LRP4: variants seen among roughly 807,000 people sequenced by gnomAD.
LRP4 encodes the protein LDL receptor related protein 4.
Under a neutral mutation model 220.3 loss-of-function variants are expected in LRP4, and 95 were observed. The ratio of observed to expected loss-of-function variants is 0.43; its 90% CI spans 0.37 to 0.51. The LOEUF (loss-of-function observed/expected upper bound fraction) is 0.51. Ranked by LOEUF, LRP4 falls within the 20% of genes least tolerant of loss-of-function variation. The probability of loss-of-function intolerance (pLI) is 0.00; values close to 1 mark genes in which losing one functional copy is unlikely to be tolerated. For synonymous variants in LRP4, 903 were observed against 954.6 expected, an observed-to-expected ratio of 0.95 and a Z score of 1.00; for missense variants, 1,925 against 2,567.0, an observed-to-expected ratio of 0.75 and a Z score of 5.40.
Position 46,873,128 on chromosome 11 carries a change from C to T in LRP4, c.4555G>A (p.Gly1519Ser). The T allele has an allele frequency of 6.2e-7, 1 of 1,614,180 alleles. No homozygotes were observed. Among genetic ancestry groups the T allele is most frequent in the Admixed American group, 1.7e-5 (1 of 60,028 alleles). Residue 1519 changes from glycine to serine, a missense_variant, in exon 30 of 38, where the codon GGC becomes AGC. Gly to Ser is a moderately conservative substitution (Grantham distance 56, BLOSUM62 0). Around this residue, in one of 3 missense-constraint regions of LRP4, gnomAD observed 1,244 missense variants for 1,624.9 expected, o/e 0.77. Coordinates refer to ENST00000378623, the MANE Select transcript of LRP4 (RefSeq NM_002334.4). This position sits in a 1 kb window ranked among gnomAD's most constrained non-coding sequence, Gnocchi z 4.2. ...LINTDLGWPNGLTLDYDTRRI... is the reference protein window; with the variant it reads ...LINTDLGWPNSLTLDYDTRRI... ...CGGGTATCATAGTCCAGGGTAAGGC[C>T]ATTGGGCCAACCCAGGTCTGTGTTG...
chr11:46,913,243 T>G (rs1941894847), intron 1 of LRP4, among the ~76,000 whole-genome samples: 1 of 152,170 alleles, frequency 6.6e-6, no homozygotes, highest in African/African-American at 2.4e-5. Flanking sequence ...CAAGGGCACC[T>G]AGGATGTTTG....
At chr11:46,870,555 C>G (rs1940834287) in intron 31 of LRP4, among the ~76,000 whole-genome samples, 1 of 152,140 alleles carries the variant, frequency 6.6e-6, no homozygotes. Context: ...TCCTGAGTAG[C>G]TGAGACTACA....
intron 1 of LRP4, among the ~76,000 whole-genome samples, chr11:46,912,684 G>C (rs553110938): frequency 6.6e-6 from 1 of 152,180 alleles, no homozygotes; most frequent in African/African-American, 2.4e-5. Flanking sequence ...TGGAGCTGCC[G>C]AGCTTGGAGA....
chr11:46,896,969 C>T lies in LRP4; in HGVS notation c.822G>A (p.Gln274=). 1.2e-6 allele frequency: 2 copies of T among 1,614,236 alleles called. No homozygotes were observed. Among genetic ancestry groups the T allele is most frequent in the Non-Finnish European group, 1.7e-6 (2 of 1,180,026 alleles). Residue 274 remains glutamine (Q), a synonymous_variant, in exon 8 of 38, where the codon CAG becomes CAA. Transcript: ENST00000378623. ...CACAGCGGCCTGAGTGACAGCGGAA[C>T]TGTTCTGCCGTACACATGGAGGTGG... ...NCTTSMCTAE[Q]FRCHSGRCVR... is the part of the protein sequence containing the mutation.
Position 46,883,872 on chromosome 11 carries a change from C to G in LRP4, c.2611G>C (p.Gly871Arg). ...CATTCCCAAGGGGCAGCCACTCACC[C>G]GCCCATGGGTTCCACCACGATGTCC... ...PRDIVVEPMGGYMYWTDWGAS... is the reference protein window; with the variant it reads ...PRDIVVEPMGRYMYWTDWGAS... The change falls in exon 19 of 38, where the codon GGG (glycine) becomes CGG (arginine). Residue 871 changes from glycine to arginine, a missense_variant and splice_region_variant. This residue lies in a region of LRP4 where 1,244 missense variants were observed against 1,624.9 expected (regional missense o/e 0.77). Transcript: ENST00000378623. The G allele has an allele frequency of 6.2e-7, 1 of 1,612,530 alleles. No individual in the cohort carries two copies. Among genetic ancestry groups the G allele is most frequent in the Non-Finnish European group, 8.5e-7 (1 of 1,178,554 alleles).
Position 46,876,477 on chromosome 11 carries a change from G to A in LRP4, c.3525C>T (p.Tyr1175=). ...CAGCCAGCTCTCACCCCATCTCATG[G>A]TACAGTACGATGGCCCGGGGACTGT... ...NLDSPRAIVL[Y]HEMGFMYWTD... Residue 1175 remains tyrosine (Y), a synonymous_variant, in exon 25 of 38, where the codon TAC becomes TAT. Coordinates refer to ENST00000378623, the MANE Select transcript of LRP4 (RefSeq NM_002334.4). The A allele has an allele frequency of 6.2e-7, 1 of 1,614,166 alleles. No individual in the cohort carries two copies. The highest frequency in any genetic ancestry group is 8.5e-7 in the Non-Finnish European group (1 of 1,180,038).
rs570258125 is a variant in LRP4 at position 46,876,540 on chromosome 11, G to A, written c.3462C>T (p.Asp1154=). The A allele has an allele frequency of 1.7e-5, 28 of 1,614,192 alleles. No individual in the cohort carries two copies. In the East Asian group the frequency reaches 3.1e-4, roughly 18 times the overall value. Residue 1154 remains aspartate (D), a synonymous_variant, in exon 25 of 38, where the codon GAC becomes GAT. Transcript: ENST00000378623. The part of the protein sequence containing the change: ...GTNRIEVGNL[D]GSMRKVLVWQ... Reference sequence around the variant, plus strand: ...ACACCAACACTTTCCGCATGGACCCGTCCAGGTTGCCCACTTCAATCCGGT... The same window carrying A: ...ACACCAACACTTTCCGCATGGACCCATCCAGGTTGCCCACTTCAATCCGGT...
At position 46,873,758 on chromosome 11, in the gene LRP4, A is replaced by G; in HGVS notation, c.4230-165T>C. 3 of 590,002 alleles carry G rather than the reference A, an allele frequency of 5.1e-6. No individual in the cohort carries two copies. The highest frequency in any genetic ancestry group is 9.0e-6 in the Non-Finnish European group (3 of 333,612). The allele number at this position is 590,002 out of a possible 1,614,324, so 36.5% of individuals were successfully genotyped here. ...TCAGCACCCAGCATGATAGATGTTC[A>G]ATAAAATAATTGCAGAATGAAGGAA... On this transcript the variant is annotated intron_variant, in intron 28 of 37. Transcript: ENST00000378623. The surrounding 1 kb of genome is among the most constrained non-coding windows in gnomAD (Gnocchi z 4.2).
In LRP4 at chr11:46,890,094, CTG is replaced by C; in HGVS notation, c.1940_1941del (p.Thr647SerfsTer3). On this transcript the variant is annotated frameshift_variant, in exon 15 of 38. Coordinates refer to ENST00000378623, the MANE Select transcript of LRP4 (RefSeq NM_002334.4). LOFTEE classifies it high-confidence loss of function. The surrounding 1 kb of genome is among the most constrained non-coding windows in gnomAD (Gnocchi z 5.3). Reference sequence around the variant, plus strand: ...GTCCAGTACAGGCTGTCTTCAAACACTGTGATGGCGAAGGGATGCGGGAGGCC... The same window carrying C: ...GTCCAGTACAGGCTGTCTTCAAACACTGATGGCGAAGGGATGCGGGAGGCC... ...SQGLPHPFAI[T>X]VFEDSLYWTD... The C allele has an allele frequency of 1.2e-6, 2 of 1,614,096 alleles. No homozygotes were observed. The highest frequency in any genetic ancestry group is 1.7e-6 in the Non-Finnish European group (2 of 1,180,016).
chr11:46,876,850 C>T lies in LRP4; in HGVS notation c.3278-20G>A. On this transcript the variant is annotated intron_variant, in intron 23 of 37. Coordinates refer to ENST00000378623, the MANE Select transcript of LRP4 (RefSeq NM_002334.4). ...CCTTTCCTGGAGAGGGAAAGCTTGG[C>T]TCAACCTAGACCCTCACCGCCTACA... 6.3e-7 allele frequency: 1 copy of T among 1,596,326 alleles called. No homozygotes were observed. The highest frequency in any genetic ancestry group is 8.6e-7 in the Non-Finnish European group (1 of 1,164,476).
intron 16 of LRP4, among the ~76,000 whole-genome samples, chr11:46,888,818 C>A (rs1941358180): frequency 6.6e-6 from 1 of 152,080 alleles, no homozygotes. Context: ...CCGCTCCTCT[C>A]TGGACTATTC....
chr11:46,889,595 G>T, intron 15 of LRP4, 62 bp from the exon 16 acceptor site: 1 of 1,602,604 alleles, frequency 6.2e-7, no homozygotes. Flanking sequence ...CCCAAGACTA[G>T]GGAATAGGGG....
intron 1 of LRP4, among the ~76,000 whole-genome samples, chr11:46,904,796 CCT>C (rs1215359329): frequency 6.6e-6 from 1 of 151,772 alleles, no homozygotes; most frequent in Non-Finnish European, 1.5e-5. Context: ...ATGGCAAAAC[CCT>C]GTCTCTACAG....
rs2134797888 is a variant in LRP4 at position 46,875,849 on chromosome 11, C to T, written c.3654G>A (p.Val1218=). ...ATAGCAGTTGGGAGCTGGCCTTGTC[C>T]ACAGTCAGTCCATTGGGCCATCCTA... The part of the protein sequence containing the change: ...NNLGWPNGLT[V]DKASSQLLWA... The change falls in exon 26 of 38, where the codon GTG becomes GTA. Residue 1218 remains valine (V), a synonymous_variant. Transcript: ENST00000378623. The surrounding 1 kb of genome is among the most constrained non-coding windows in gnomAD (Gnocchi z 4.5). 6.2e-7 allele frequency: 1 copy of T among 1,614,150 alleles called. No homozygotes were observed. Among genetic ancestry groups the T allele is most frequent in the East Asian group, 2.2e-5 (1 of 44,878 alleles).
chr11:46,873,365 A>G lies in LRP4; in HGVS notation c.4448+10T>C, dbSNP rs771782266. On this transcript the variant is annotated intron_variant, in intron 29 of 37. Coordinates refer to ENST00000378623, the MANE Select transcript of LRP4 (RefSeq NM_002334.4). This position sits in a 1 kb window ranked among gnomAD's most constrained non-coding sequence, Gnocchi z 4.2. ...TCCCTGGATCTCTCTTCTGCTGGCCATAAACTTACCCCTTCCTGGGGAAAA... is the reference window on the plus strand; with the variant it reads ...TCCCTGGATCTCTCTTCTGCTGGCCGTAAACTTACCCCTTCCTGGGGAAAA... 4 of 1,614,040 alleles carry G rather than the reference A, an allele frequency of 2.5e-6. No homozygotes were observed. Among genetic ancestry groups the G allele is most frequent in the Non-Finnish European group, 3.4e-6 (4 of 1,179,958 alleles).
intron 7 of LRP4, 89 bp from the exon 8 acceptor site, chr11:46,897,083 C>G: frequency 6.5e-7 from 1 of 1,539,676 alleles, no homozygotes; most frequent in Non-Finnish European, 8.9e-7. Context: ...ATATCAGTAC[C>G]CATGCCACTC....
chr11:46,862,901 G>A (rs1354109959), intron 36 of LRP4, 154 bp from the exon 37 acceptor site: 1 of 699,016 alleles, frequency 1.4e-6, no homozygotes, highest in African/African-American at 1.8e-5. Flanking sequence ...CTCCCCTTGA[G>A]TGTGGACTGT....
chr11:46,890,216 TG>T lies in LRP4; in HGVS notation c.1915+60del. ...TACACAAAACCTCTACCAAGGCTCC[TG>T]GGGGGCAGGGACGGGGGCAGGAGGA... On this transcript the variant is annotated intron_variant, in intron 14 of 37. Transcript: ENST00000378623. This position sits in a 1 kb window ranked among gnomAD's most constrained non-coding sequence, Gnocchi z 5.3. The T allele has an allele frequency of 6.2e-7, 1 of 1,606,856 alleles. No homozygotes were observed. The highest frequency in any genetic ancestry group is 1.1e-5 in the South Asian group (1 of 90,886).
intron 1 of LRP4, among the ~76,000 whole-genome samples, chr11:46,905,134 G>A (rs1197936536): frequency 6.6e-6 from 1 of 152,148 alleles, no homozygotes; most frequent in East Asian, 1.9e-4. Flanking sequence ...GCAGGGTAGA[G>A]GATTCTTCCC....
Sources: gnomAD v4.1 joint callset for allele counts (sites outside exome capture counted in the v4.1 genomes callset) on GRCh38, gnomAD v4.1.1 for gene constraint, gnomAD v4.1.1 regional missense constraint, Gnocchi (gnomAD v3.1) non-coding constraint, MANE v1.5 for transcripts, NCBI Gene and HGNC (gene_info 2026-07-23, HGNC 2026-07-21) for gene names.